Variants in COL9A1 observed in about 807,000 individuals in gnomAD.
COL9A1 encodes the protein collagen type IX alpha 1 chain.
Under a neutral mutation model 142.6 loss-of-function variants are expected in COL9A1, and 104 were observed. That is an observed-to-expected ratio of 0.73 (90% CI 0.62 to 0.86). COL9A1 has a LOEUF of 0.86. COL9A1 is among the 40% of genes least tolerant of loss of function. The probability of loss-of-function intolerance (pLI) is 0.00; values close to 1 mark genes in which losing one functional copy is unlikely to be tolerated. For missense variants in COL9A1, 1,210 were observed against 1,176.6 expected (o/e 1.03, Z -0.42); for synonymous variants, 466 against 396.0 (o/e 1.18, Z -2.10).
chr6:70,224,579 T>C (rs73749906), intron 37 of COL9A1, among the ~76,000 whole-genome samples: 98 of 152,310 alleles, frequency 6.4e-4, no homozygotes, highest in African/African-American at 2.3e-3. Flanking sequence ...CATAAATATA[T>C]AGATAATTAA....
chr6:70,250,290 T>C (rs912553034), intron 28 of COL9A1, among the ~76,000 whole-genome samples: 2 of 151,970 alleles, frequency 1.3e-5, no homozygotes, highest in Non-Finnish European at 2.9e-5. Flanking sequence ...GAATAAGAGA[T>C]GTAATAGTAA....
intron 4 of COL9A1, among the ~76,000 whole-genome samples, chr6:70,298,941 T>G (rs1303889115): frequency 6.6e-6 from 1 of 152,138 alleles, no homozygotes; most frequent in African/African-American, 2.4e-5. Flanking sequence ...CTGCCTGGGA[T>G]TCAGTCCTTC....
intron 33 of COL9A1, among the ~76,000 whole-genome samples, chr6:70,236,372 A>G (rs1769912691): frequency 6.6e-6 from 1 of 152,206 alleles, no homozygotes; most frequent in Non-Finnish European, 1.5e-5. Flanking sequence ...AATTTGTTAA[A>G]TTCCTCTGGT....
chr6:70,228,659 A>AAT (rs899570569), intron 36 of COL9A1, among the ~76,000 whole-genome samples: 32 of 152,264 alleles, frequency 2.1e-4, no homozygotes, highest in African/African-American at 7.5e-4. Flanking sequence ...TTCTGAAGTG[A>AAT]ATATTTAGTC....
At chr6:70,264,590 T>C (rs1771896652) in intron 18 of COL9A1, among the ~76,000 whole-genome samples, 1 of 152,044 alleles carries the variant, frequency 6.6e-6, no homozygotes, top group African/African-American at 2.4e-5. Flanking sequence ...ACAGCAGTGA[T>C]TGATATGTCC....
intron 33 of COL9A1, among the ~76,000 whole-genome samples, chr6:70,238,876 C>T (rs1423202085): frequency 1.3e-5 from 2 of 152,292 alleles, no homozygotes; most frequent in African/African-American, 4.8e-5. Context: ...TGGTGGCTCA[C>T]ACCTGTAAAC....
At position 70,294,513 on chromosome 6, in the gene COL9A1, A is replaced by G. The variant is rs1773780575; in HGVS notation, c.350T>C (p.Phe117Ser). ...LPEEYSFLTT[F>S]RMTGSTLKKN... ...TTTGAGAGTGCTTCCAGTCATTCGA[A>G]ACGTCGTCAAGAAGGAGTATTCTTC... Residue 117 changes from phenylalanine (F) to serine (S), a missense_variant, in exon 5 of 38, where the codon TTT becomes TCT. Phe to Ser is a radical substitution (Grantham distance 155). Coordinates refer to ENST00000357250, the MANE Select transcript of COL9A1 (RefSeq NM_001851.6). 1.2e-6 allele frequency: 2 copies of G among 1,613,992 alleles called. No homozygotes were observed. The highest frequency in any genetic ancestry group is 1.7e-6 in the Non-Finnish European group (2 of 1,179,938).
chr6:70,242,197 G>A, intron 29 of COL9A1, 162 bp from the exon 30 acceptor site: 1 of 696,806 alleles, frequency 1.4e-6, no homozygotes. Context: ...ATTCTCAGGA[G>A]AAGAGGGCGG....
At position 70,272,054 on chromosome 6, in the gene COL9A1, G is replaced by A. The variant is rs1554243437; in HGVS notation, c.1089+11C>T. 1.2e-6 allele frequency: 2 copies of A among 1,610,920 alleles called. No individual in the cohort carries two copies. Among genetic ancestry groups the A allele is most frequent in the South Asian group, 1.1e-5 (1 of 90,912 alleles). ...AGACTGCATAAAAATAAATGATGAAGTGATACTTACAGGGGGTCCAGGAAT... is the reference window on the plus strand; with the variant it reads ...AGACTGCATAAAAATAAATGATGAAATGATACTTACAGGGGGTCCAGGAAT... On this transcript the variant is annotated intron_variant, in intron 13 of 37. Transcript: ENST00000357250.
At position 70,281,446 on chromosome 6, in the gene COL9A1, G is replaced by C. The variant is rs1361702504; in HGVS notation, c.820C>G (p.Gln274Glu). The C allele has an allele frequency of 6.2e-7, 1 of 1,612,776 alleles. No homozygotes were observed. Among genetic ancestry groups the C allele is most frequent in the Non-Finnish European group, 8.5e-7 (1 of 1,179,682 alleles). Residue 274 changes from glutamine (Q) to glutamate (E), a missense_variant, in exon 8 of 38, where the codon CAG (glutamine) becomes GAG (glutamate). Transcript: ENST00000357250. Reference protein sequence around the residue: ...TTDERGPPGEQGPPGPPGPPG... With the variant: ...TTDERGPPGEEGPPGPPGPPG... Reference sequence around the variant, plus strand: ...GGGCCCGGAGGCCCGGGAGGACCCTGCTCACCCGGGGGACCTCTCTGGCAA... The same window carrying C: ...GGGCCCGGAGGCCCGGGAGGACCCTCCTCACCCGGGGGACCTCTCTGGCAA...
chr6:70,266,711 C>CCTTACCTTG lies in COL9A1; in HGVS notation c.1338_1341+5dup. The stretch of plus-strand genomic sequence containing the variant: ...AATTTATCCACTAAATACCCATTTT[C>CCTTACCTTG]CTTACCTTGTGTCCTTGTCTTCCTG... On this transcript the variant is annotated splice_donor_region_variant and intron_variant, in intron 18 of 37. Coordinates refer to ENST00000357250, the MANE Select transcript of COL9A1 (RefSeq NM_001851.6). 1 of 1,611,274 alleles carries CCTTACCTTG rather than the reference C, an allele frequency of 6.2e-7. No homozygotes were observed. Among genetic ancestry groups the CCTTACCTTG allele is most frequent in the Non-Finnish European group, 8.5e-7 (1 of 1,177,556 alleles).
chr6:70,261,000 G>C, intron 19 of COL9A1: 1 of 322,700 alleles, frequency 3.1e-6, no homozygotes, highest in Non-Finnish European at 5.7e-6. Context: ...GTGATAATAT[G>C]TTTGACTTAC....
chr6:70,236,953 C>G (rs754414599), intron 33 of COL9A1, among the ~76,000 whole-genome samples: 1 of 152,120 alleles, frequency 6.6e-6, no homozygotes. Flanking sequence ...TCCAGAGTAG[C>G]TAGGATTACA....
Position 70,268,853 on chromosome 6 carries a change from T to A in COL9A1, c.1238A>T (p.Asn413Ile). The A allele has an allele frequency of 2.5e-6, 4 of 1,613,870 alleles. No individual in the cohort carries two copies. Among genetic ancestry groups the A allele is most frequent in the Non-Finnish European group, 3.4e-6 (4 of 1,179,856 alleles). Reference protein sequence around the residue: ...GFHDGDPLCPNACPPGRSGYP... With the variant: ...GFHDGDPLCPIACPPGRSGYP... Reference sequence around the variant, plus strand: ...TCCTGAGCGACCTGGTGGACAGGCATTGGGACACTGCCAGGGAGAGAGGGA... The same window carrying A: ...TCCTGAGCGACCTGGTGGACAGGCAATGGGACACTGCCAGGGAGAGAGGGA... Residue 413 changes from asparagine to isoleucine, a missense_variant, in exon 17 of 38, where the codon AAT becomes ATT. Transcript: ENST00000357250.
intron 20 of COL9A1, among the ~76,000 whole-genome samples, chr6:70,260,402 G>C: frequency 6.6e-6 from 1 of 151,986 alleles, no homozygotes; most frequent in East Asian, 1.9e-4. Context: ...AATTAGCCGG[G>C]CGTGGTGGCA....
chr6:70,273,434 G>A (rs1246661275), intron 12 of COL9A1, among the ~76,000 whole-genome samples: 2 of 152,078 alleles, frequency 1.3e-5, no homozygotes, highest in African/African-American at 4.8e-5. Context: ...CTGAAATATG[G>A]CAAAGAAAAT....
At chr6:70,237,297 G>A (rs895626410) in intron 33 of COL9A1, among the ~76,000 whole-genome samples, 7 of 152,214 alleles carry the variant, frequency 4.6e-5, no homozygotes, top group African/African-American at 1.7e-4. Context: ...GGCCAATATG[G>A]CCAGGACCCT....
Position 70,300,197 on chromosome 6 carries a change from T to C in COL9A1, c.167-22A>G, listed in dbSNP as rs200084789. 4.3e-6 allele frequency: 7 copies of C among 1,613,360 alleles called. No individual in the cohort carries two copies. The East Asian group carries it at 1.1e-4, about 26-fold the overall frequency. Reference sequence around the variant, plus strand: ...AACCCTATAGAATGGGAATACAAAATGAAAAGTCTAAAATGAGATTGGTTT... The same window carrying C: ...AACCCTATAGAATGGGAATACAAAACGAAAAGTCTAAAATGAGATTGGTTT... On this transcript the variant is annotated intron_variant, in intron 3 of 37. Coordinates refer to ENST00000357250, the MANE Select transcript of COL9A1 (RefSeq NM_001851.6).
At chr6:70,258,858 C>G (rs1375415978) in intron 20 of COL9A1, among the ~76,000 whole-genome samples, 1 of 151,806 alleles carries the variant, frequency 6.6e-6, no homozygotes, top group East Asian at 1.9e-4. Context: ...ATATCAAGAA[C>G]AGTAATTGGT....
Sources: allele counts gnomAD v4.1 joint callset (sites outside exome capture counted in the v4.1 genomes callset), GRCh38; gene constraint gnomAD v4.1.1; transcripts MANE v1.5; gene names NCBI Gene and HGNC (gene_info 2026-07-23, HGNC 2026-07-21).